Variants in ZSCAN25 observed in about 807,000 individuals in gnomAD.
ZSCAN25 encodes the protein zinc finger and SCAN domain containing 25, also known as zinc finger and SCAN domain-containing protein 25.
Under a neutral mutation model 38.7 loss-of-function variants are expected in ZSCAN25, and 27 were observed. That is an observed-to-expected ratio of 0.70 (90% CI 0.51 to 0.96). ZSCAN25 has a LOEUF of 0.96. Among genes scored for constraint, ZSCAN25 ranks in the 40% least tolerant of loss-of-function variants. The pLI is 0.00. For synonymous variants in ZSCAN25, 273 were observed against 277.7 expected (o/e 0.98, Z 0.17); for missense variants, 637 against 705.9 (o/e 0.90, Z 1.11).
the ZSCAN25 span, chr7:99,677,114 C>T: frequency 1.1e-6 from 1 of 921,758 alleles, no homozygotes. Context: ...ACCCATTAAG[C>T]CTGGTGTTCA....
chr7:99,679,159 A>T, the ZSCAN25 span, among the ~76,000 whole-genome samples: 2 of 152,258 alleles, frequency 1.3e-5, no homozygotes, highest in South Asian at 4.2e-4. Context: ...TTTGCTCTAG[A>T]GGTTAATCAT....
the ZSCAN25 span, among the ~76,000 whole-genome samples, chr7:99,667,805 A>G: frequency 6.6e-6 from 1 of 152,230 alleles, no homozygotes; most frequent in Non-Finnish European, 1.5e-5. Flanking sequence ...TTTGATAAAG[A>G]CAATCTGTAA....
the ZSCAN25 span, chr7:99,713,644 C>A: frequency 6.8e-7 from 1 of 1,464,268 alleles, no homozygotes. Flanking sequence ...CCCTTGGAGA[C>A]CAGAAATCTG....
At chr7:99,667,876 A>G in the ZSCAN25 span, among the ~76,000 whole-genome samples, 2 of 152,224 alleles carry the variant, frequency 1.3e-5, no homozygotes, top group Non-Finnish European at 2.9e-5. Context: ...TCCAAGATCA[A>G]GAAGAACTAA....
At chr7:99,717,092 C>G in the ZSCAN25 span, 1 of 1,578,886 alleles carries the variant, frequency 6.3e-7, no homozygotes, top group Non-Finnish European at 8.7e-7. Context: ...ACTGGAATAA[C>G]CCAACAGCGG....
In ZSCAN25 at chr7:99,630,416, C is replaced by G; in HGVS notation, c.*396C>G. The G allele has an allele frequency of 9.8e-7, 1 of 1,018,156 alleles. No individual in the cohort carries two copies. Among genetic ancestry groups the G allele is most frequent in the Non-Finnish European group, 1.2e-6 (1 of 851,342 alleles). 63.1% of individuals were successfully genotyped at this position (1,018,156 alleles called of 1,614,324 possible). A position where few individuals can be genotyped will look rare whatever the true frequency, so the allele number is the denominator to read the frequency against. On this transcript the variant is annotated 3_prime_UTR_variant, in exon 8 of 8. Coordinates refer to ENST00000394152, the MANE Select transcript of ZSCAN25 (RefSeq NM_145115.3). ...CTGCAGGGTCATAGCTCAGACTCTT[C>G]CCCCACCCCCTCTCTTTTCCATTGA...
At chr7:99,737,167 T>A in the ZSCAN25 span, among the ~76,000 whole-genome samples, 1 of 152,114 alleles carries the variant, frequency 6.6e-6, no homozygotes, top group Admixed American at 6.5e-5. Context: ...TATCCCCAGT[T>A]TACAGATGTA....
the ZSCAN25 span, chr7:99,660,082 T>C: frequency 2.1e-6 from 1 of 479,866 alleles, no homozygotes; most frequent in Non-Finnish European, 2.7e-6. Context: ...CTGCACCCAC[T>C]CTCCAACAAT....
At chr7:99,722,173 G>T in the ZSCAN25 span, 1 of 1,227,608 alleles carries the variant, frequency 8.1e-7, no homozygotes, top group Non-Finnish European at 1.2e-6. Context: ...AAACCTCTCT[G>T]TTTGTAGTTA....
the ZSCAN25 span, among the ~76,000 whole-genome samples, chr7:99,729,406 ACAT>A: frequency 6.6e-6 from 1 of 152,098 alleles, no homozygotes; most frequent in African/African-American, 2.4e-5. Flanking sequence ...GCCCTGAGAA[ACAT>A]CATCCATTAT....
At chr7:99,667,754 T>C in the ZSCAN25 span, among the ~76,000 whole-genome samples, 1 of 152,192 alleles carries the variant, frequency 6.6e-6, no homozygotes, top group Non-Finnish European at 1.5e-5. Flanking sequence ...GCTGTCATGA[T>C]AAAATCTCAA....
the ZSCAN25 span, chr7:99,672,694 C>G: frequency 6.2e-7 from 1 of 1,613,350 alleles, no homozygotes; most frequent in East Asian, 2.2e-5. Context: ...GTGGGGACAA[C>G]GGAGCTGATT....
the ZSCAN25 span, among the ~76,000 whole-genome samples, chr7:99,639,755 C>T: frequency 6.6e-6 from 1 of 152,214 alleles, no homozygotes; most frequent in African/African-American, 2.4e-5. Flanking sequence ...GTAGATTTCT[C>T]CTGTGAATTC....
the ZSCAN25 span, among the ~76,000 whole-genome samples, chr7:99,685,715 C>G: frequency 1.3e-5 from 2 of 152,184 alleles, no homozygotes; most frequent in Non-Finnish European, 2.9e-5. Flanking sequence ...GTTCTGACAA[C>G]GTCCACATTT....
the ZSCAN25 span, chr7:99,663,993 T>C: frequency 6.3e-7 from 1 of 1,591,742 alleles, no homozygotes; most frequent in Non-Finnish European, 8.5e-7. Context: ...GAGGCGACTT[T>C]TCTTCATTCT....
chr7:99,631,365 C>CA lies in ZSCAN25; in HGVS notation c.*1346dup. On this transcript the variant is annotated 3_prime_UTR_variant, in exon 8 of 8. Coordinates refer to ENST00000394152, the MANE Select transcript of ZSCAN25 (RefSeq NM_145115.3). ...TATTTGTAGGCATTAAAAAAAAATACATTTCTTTAAAAATGAGAAGATGCA... is the reference window on the plus strand; with the variant it reads ...TATTTGTAGGCATTAAAAAAAAATACAATTTCTTTAAAAATGAGAAGATGCA... 1 of 985,118 alleles carries CA rather than the reference C, an allele frequency of 1.0e-6. No homozygotes were observed. Among genetic ancestry groups the CA allele is most frequent in the Non-Finnish European group, 1.2e-6 (1 of 829,684 alleles). 61.0% of individuals were successfully genotyped at this position (985,118 alleles called of 1,614,324 possible). A position where few individuals can be genotyped will look rare whatever the true frequency, so the allele number is the denominator to read the frequency against.
the ZSCAN25 span, among the ~76,000 whole-genome samples, chr7:99,712,983 G>C: frequency 6.6e-6 from 1 of 152,166 alleles, no homozygotes; most frequent in South Asian, 2.1e-4. Flanking sequence ...GATTAACCTG[G>C]TGAACACACT....
chr7:99,638,915 C>T, the ZSCAN25 span: 1 of 530,468 alleles, frequency 1.9e-6, no homozygotes, highest in Non-Finnish European at 3.4e-6. Context: ...CCAGGCCTGT[C>T]GCTCACTCGG....
chr7:99,663,903 CAT>C, the ZSCAN25 span: 3 of 1,524,234 alleles, frequency 2.0e-6, no homozygotes, highest in Non-Finnish European at 2.6e-6. Flanking sequence ...CATGCTCTAT[CAT>C]GTGTATAAAA....
Sources: gnomAD v4.1 joint callset for allele counts (sites outside exome capture counted in the v4.1 genomes callset) on GRCh38, gnomAD v4.1.1 for gene constraint, MANE v1.5 for transcripts, NCBI Gene and HGNC (gene_info 2026-07-23, HGNC 2026-07-21) for gene names.